GPR176: variants seen among roughly 807,000 people sequenced by gnomAD.
GPR176 encodes G protein-coupled receptor 176.
GPR176 carries 26 observed loss-of-function variants against 35.4 expected under a neutral mutation model. That is an observed-to-expected ratio of 0.74 (90% CI 0.54 to 1.02). GPR176 has a LOEUF of 1.02. GPR176 is among the 50% of genes least tolerant of loss of function. The pLI is 0.00. For synonymous variants in GPR176, 278 were observed against 271.3 expected, an observed-to-expected ratio of 1.02 and a Z score of -0.24; for missense variants, 597 against 665.3, an observed-to-expected ratio of 0.90 and a Z score of 1.13.
At position 39,837,472 on chromosome 15, in the gene GPR176, G is replaced by C. The variant is rs772583435; in HGVS notation, c.173-30214C>G. ...TACATACGTGGTAAATCCTATTTAA[G>C]CTTTAAGGATCCATTTCCAATGTCA... On this transcript the variant is annotated intron_variant, in intron 1 of 2. Transcript: ENST00000561100. 2.6e-5 allele frequency among the ~76,000 whole-genome samples: 4 copies of C among 152,074 alleles called. 1 individual carries two copies. Among genetic ancestry groups the C allele is most frequent in the South Asian group, 4.1e-4 (2 of 4,826 alleles).
At position 39,800,969 on chromosome 15, in the gene GPR176, T is replaced by G; in HGVS notation, c.*163A>C. The G allele has an allele frequency of 1.6e-6, 1 of 641,046 alleles. No homozygotes were observed. Among genetic ancestry groups the G allele is most frequent in the Admixed American group, 2.8e-5 (1 of 35,892 alleles). The allele number at this position is 641,046 out of a possible 1,614,324, so 39.7% of individuals were successfully genotyped here. On this transcript the variant is annotated 3_prime_UTR_variant, in exon 3 of 3. Transcript: ENST00000561100. The stretch of plus-strand genomic sequence containing the variant: ...CTCCCTCAATAAAGAGGACACTGGA[T>G]TTTATGTAGATTTCCCTATCATTCA...
At chr15:39,836,722 A>C (rs1467482648) in intron 1 of GPR176, among the ~76,000 whole-genome samples, 2 of 152,130 alleles carry the variant, frequency 1.3e-5, no homozygotes, top group Non-Finnish European at 2.9e-5. Flanking sequence ...ATTTGTTCTA[A>C]GAGAAGGAGA....
In GPR176 at chr15:39,803,533, G is replaced by A. The variant is rs143731369; in HGVS notation, c.426-1279C>T. Reference sequence around the variant, plus strand: ...TAACCTCAGCTGATCCACCCGCCTCGGCCTCCCAAAGTGGTTGGATTACAG... The same window carrying A: ...TAACCTCAGCTGATCCACCCGCCTCAGCCTCCCAAAGTGGTTGGATTACAG... On this transcript the variant is annotated intron_variant, in intron 2 of 2. Transcript: ENST00000561100. Among the ~76,000 whole-genome samples the A allele has an allele frequency of 6.8e-3, 1,028 of 151,940 alleles. 8 individuals are homozygous for A. The highest frequency in any genetic ancestry group is 0.018 in the African/African-American group (760 of 41,434).
intron 1 of GPR176, among the ~76,000 whole-genome samples, chr15:39,832,038 T>G (rs1465789482): frequency 6.6e-6 from 1 of 150,440 alleles, no homozygotes; most frequent in Non-Finnish European, 1.5e-5. Flanking sequence ...CATGTTCCAG[T>G]GCAATGAAGG....
In GPR176 at chr15:39,920,056, C is replaced by T; in HGVS notation, c.-30G>A. ...AGGCTGGGACTCCGGCTCCGCGCGC[C>T]GCCCGCCTCGGAGCCCCGCGCGGAG... is the stretch of plus-strand genomic sequence containing the variant. On this transcript the variant is annotated 5_prime_UTR_variant, in exon 1 of 3. Coordinates refer to ENST00000561100, the MANE Select transcript of GPR176 (RefSeq NM_007223.3). 2 of 1,279,584 alleles carry T rather than the reference C, an allele frequency of 1.6e-6. No individual in the cohort carries two copies. The highest frequency in any genetic ancestry group is 5.0e-5 in the South Asian group (2 of 39,920). 79.3% of individuals were successfully genotyped at this position (1,279,584 alleles called of 1,614,324 possible). A position where few individuals can be genotyped will look rare whatever the true frequency, so the allele number is the denominator to read the frequency against.
chr15:39,864,402 C>G (rs1269872656), intron 1 of GPR176, among the ~76,000 whole-genome samples: 1 of 152,104 alleles, frequency 6.6e-6, no homozygotes, highest in Non-Finnish European at 1.5e-5. Context: ...AAAGGAAATC[C>G]TTTTCAACAA....
intron 1 of GPR176, among the ~76,000 whole-genome samples, chr15:39,834,206 A>G (rs1393161741): frequency 6.6e-6 from 1 of 152,206 alleles, no homozygotes; most frequent in African/African-American, 2.4e-5. Flanking sequence ...CTTACGAAGA[A>G]AAAGAATCCA....
At chr15:39,871,801 C>A (rs2032052075) in intron 1 of GPR176, among the ~76,000 whole-genome samples, 1 of 152,166 alleles carries the variant, frequency 6.6e-6, no homozygotes, top group Non-Finnish European at 1.5e-5. Flanking sequence ...TTCCTAGCAA[C>A]CAAAAAAGTC....
At chr15:39,834,146 A>C (rs768691093) in intron 1 of GPR176, among the ~76,000 whole-genome samples, 1 of 152,194 alleles carries the variant, frequency 6.6e-6, no homozygotes, top group Admixed American at 6.5e-5. Context: ...GTAGTCCCTA[A>C]TAACAAATCA....
intron 1 of GPR176, among the ~76,000 whole-genome samples, chr15:39,824,061 G>A (rs79301956): frequency 0.016 from 2,448 of 151,842 alleles, 67 homozygotes; most frequent in African/African-American, 0.056. Flanking sequence ...CATCCCCATG[G>A]TAATGAATGA....
At chr15:39,890,102 C>T (rs527831210) in intron 1 of GPR176, among the ~76,000 whole-genome samples, 42 of 152,108 alleles carry the variant, frequency 2.8e-4, no homozygotes, top group Non-Finnish European at 4.6e-4. Context: ...AATATCACCA[C>T]GCCTGGCTTT....
intron 1 of GPR176, among the ~76,000 whole-genome samples, chr15:39,877,041 A>G (rs1277070301): frequency 2.6e-5 from 4 of 152,196 alleles, no homozygotes; most frequent in Non-Finnish European, 5.9e-5. Context: ...TAATTTGTTC[A>G]ATTTTATTTT....
intron 1 of GPR176, among the ~76,000 whole-genome samples, chr15:39,854,760 G>A (rs1473943234): frequency 6.6e-6 from 1 of 152,078 alleles, no homozygotes; most frequent in African/African-American, 2.4e-5. Context: ...AATCAAGCCA[G>A]GCACAGTGGC....
chr15:39,825,758 C>A (rs1900596905), intron 1 of GPR176, among the ~76,000 whole-genome samples: 1 of 152,216 alleles, frequency 6.6e-6, no homozygotes, highest in Non-Finnish European at 1.5e-5. Flanking sequence ...CTGCCTGCAG[C>A]AGGTGCTATC....
At chr15:39,833,754 A>G (rs1256238404) in intron 1 of GPR176, among the ~76,000 whole-genome samples, 2 of 152,176 alleles carry the variant, frequency 1.3e-5, no homozygotes, top group Non-Finnish European at 2.9e-5. Flanking sequence ...ATATTTATTT[A>G]ATTACACTTC....
chr15:39,858,220 C>G (rs111628490), intron 1 of GPR176, among the ~76,000 whole-genome samples: 5 of 152,034 alleles, frequency 3.3e-5, no homozygotes, highest in Non-Finnish European at 7.4e-5. Context: ...AGCAAGAAGA[C>G]AGAAGGTCTG....
chr15:39,852,719 A>T (rs1431984146), intron 1 of GPR176, among the ~76,000 whole-genome samples: 1 of 152,172 alleles, frequency 6.6e-6, no homozygotes, highest in African/African-American at 2.4e-5. Context: ...TCAGCTCAAA[A>T]CTATCATTAC....
intron 1 of GPR176, among the ~76,000 whole-genome samples, chr15:39,836,504 T>C (rs1252340333): frequency 6.6e-6 from 1 of 152,138 alleles, no homozygotes; most frequent in Non-Finnish European, 1.5e-5. Flanking sequence ...ATGCTTCTTG[T>C]ACAGCCTGCA....
chr15:39,835,905 G>A (rs1901372706), intron 1 of GPR176, among the ~76,000 whole-genome samples: 1 of 152,092 alleles, frequency 6.6e-6, no homozygotes, highest in African/African-American at 2.4e-5. Context: ...TAATAGCCTG[G>A]TCAACATGGC....
Sources: gnomAD v4.1 joint callset for allele counts (sites outside exome capture counted in the v4.1 genomes callset) on GRCh38, gnomAD v4.1.1 for gene constraint, MANE v1.5 for transcripts, NCBI Gene and HGNC (gene_info 2026-07-23, HGNC 2026-07-21) for gene names.